The following RUNX2 variants were observed in gnomAD, a reference collection of about 807,000 sequenced individuals.
RUNX2 encodes RUNX family transcription factor 2.
RUNX2 carries 10 observed loss-of-function variants against 51.7 expected under a neutral mutation model. That is an observed-to-expected ratio of 0.19 (90% CI 0.12 to 0.33). The LOEUF (loss-of-function observed/expected upper bound fraction) is 0.33, where lower values mean the gene tolerates loss of function less well. Among genes scored for constraint, RUNX2 ranks in the 10% least tolerant of loss-of-function variants. The probability of loss-of-function intolerance (pLI) is 1.00; values close to 1 mark genes in which losing one functional copy is unlikely to be tolerated. For synonymous variants in RUNX2, 276 were observed against 273.6 expected (o/e 1.01, Z -0.09); for missense variants, 562 against 691.3 (o/e 0.81, Z 2.10).
intron 5 of RUNX2, among the ~76,000 whole-genome samples, chr6:45,476,513 AG>A (rs1563103260): frequency 6.6e-6 from 1 of 152,194 alleles, no homozygotes; most frequent in Non-Finnish European, 1.5e-5. Context: ...GGCCTGTGCA[AG>A]TGACACATAC....
intron 7 of RUNX2, among the ~76,000 whole-genome samples, chr6:45,514,737 A>T (rs533381778): frequency 5.7e-4 from 87 of 152,214 alleles, no homozygotes; most frequent in Non-Finnish European, 1.1e-3. Context: ...GGACCATGTC[A>T]TCGGAGTGTG....
intron 3 of RUNX2, among the ~76,000 whole-genome samples, chr6:45,426,637 T>G (rs1210704440): frequency 6.6e-6 from 1 of 152,246 alleles, no homozygotes; most frequent in Non-Finnish European, 1.5e-5. Flanking sequence ...TAGAGAACAC[T>G]GGACTACATA....
At chr6:45,372,021 T>C (rs1316874141) in intron 2 of RUNX2, 1 of 953,260 alleles carries the variant, frequency 1.0e-6, no homozygotes, top group Non-Finnish European at 1.2e-6. Flanking sequence ...CATCAAAGAA[T>C]ATACAAATAA....
intron 2 of RUNX2, chr6:45,421,554 TC>T (rs1798188406): frequency 1.3e-5 from 2 of 152,126 alleles, no homozygotes; most frequent in Admixed American, 6.5e-5. Context: ...GAATTTTCTT[TC>T]CTCCTCTCCT....
intron 2 of RUNX2, among the ~76,000 whole-genome samples, chr6:45,394,960 G>A (rs994775498): frequency 5.3e-5 from 8 of 152,016 alleles, no homozygotes; most frequent in Non-Finnish European, 7.4e-5. Context: ...GGGTGTGTGT[G>A]GGGGGGAGGC....
At chr6:45,351,552 T>C (rs1792058705) in intron 2 of RUNX2, among the ~76,000 whole-genome samples, 1 of 152,168 alleles carries the variant, frequency 6.6e-6, no homozygotes, top group Non-Finnish European at 1.5e-5. Context: ...GACGATGAGA[T>C]TTCCAAGGTG....
chr6:45,526,605 T>A lies in RUNX2; in HGVS notation c.1021+14198T>A, dbSNP rs185176557. On this transcript the variant is annotated intron_variant, in intron 7 of 8. Coordinates refer to ENST00000647337, the MANE Select transcript of RUNX2 (RefSeq NM_001024630.4). Reference sequence around the variant, plus strand: ...GTTTTATGACTGCATGATAAAAATATTTAACACAAGTTATTGCCAACATTA... The same window carrying A: ...GTTTTATGACTGCATGATAAAAATAATTAACACAAGTTATTGCCAACATTA... Among the ~76,000 whole-genome samples the A allele has an allele frequency of 1.0e-3, 154 of 152,364 alleles. 1 individual carries two copies. The highest frequency in any genetic ancestry group is 2.0e-3 in the Non-Finnish European group (135 of 68,030).
At chr6:45,394,673 T>A (rs1283119834) in intron 2 of RUNX2, among the ~76,000 whole-genome samples, 1 of 152,122 alleles carries the variant, frequency 6.6e-6, no homozygotes, top group Non-Finnish European at 1.5e-5. Flanking sequence ...GCCATCAAGT[T>A]AGATAGGAAG....
At chr6:45,427,492 T>C (rs1188935328) in intron 3 of RUNX2, among the ~76,000 whole-genome samples, 1 of 152,166 alleles carries the variant, frequency 6.6e-6, no homozygotes, top group African/African-American at 2.4e-5. Flanking sequence ...ATATTAACTG[T>C]AGTATTTGTT....
chr6:45,506,546 C>G (rs563997958), intron 6 of RUNX2, among the ~76,000 whole-genome samples: 1 of 152,138 alleles, frequency 6.6e-6, no homozygotes, highest in South Asian at 2.1e-4. Context: ...TTGAATTTCT[C>G]TAATATAGTA....
At chr6:45,442,612 T>C (rs1053198262) in intron 5 of RUNX2, among the ~76,000 whole-genome samples, 3 of 152,242 alleles carry the variant, frequency 2.0e-5, no homozygotes, top group African/African-American at 7.2e-5. Context: ...TAAGCTTACA[T>C]AGGATACTTT....
chr6:45,353,017 T>C (rs1328380601), intron 2 of RUNX2, among the ~76,000 whole-genome samples: 2 of 152,064 alleles, frequency 1.3e-5, no homozygotes, highest in Non-Finnish European at 2.9e-5. Flanking sequence ...GAAAAACAAA[T>C]ATTAAAGAAA....
chr6:45,409,404 T>C (rs1231014070), intron 2 of RUNX2, among the ~76,000 whole-genome samples: 6 of 152,218 alleles, frequency 3.9e-5, no homozygotes, highest in Non-Finnish European at 8.8e-5. Flanking sequence ...GATACCCACA[T>C]GGGCTAAGGT....
chr6:45,511,228 T>A (rs1448106223), intron 6 of RUNX2, among the ~76,000 whole-genome samples: 2 of 152,204 alleles, frequency 1.3e-5, no homozygotes, highest in African/African-American at 4.8e-5. Context: ...AATAAATCTA[T>A]GTGGCCTTGA....
rs1481005717 is a variant in RUNX2, at chr6:45,328,691, G to C, written c.-36G>C. The C allele has an allele frequency of 6.2e-7, 1 of 1,611,746 alleles. No individual in the cohort carries two copies. On this transcript the variant is annotated 5_prime_UTR_variant, in exon 2 of 9. Coordinates refer to ENST00000647337, the MANE Select transcript of RUNX2 (RefSeq NM_001024630.4). ...GGCTGCAAGCAGTATTTACAACAGA[G>C]GGTACAAGTTCTATCTGAAAAAAAA...
At chr6:45,365,232 T>A (rs780628100) in intron 2 of RUNX2, 2 of 1,612,232 alleles carry the variant, frequency 1.2e-6, no homozygotes, top group South Asian at 2.2e-5. Flanking sequence ...GCAAAGCTTA[T>A]AGACTTCCCT....
intron 5 of RUNX2, among the ~76,000 whole-genome samples, chr6:45,473,259 C>G (rs1426714091): frequency 6.6e-6 from 1 of 152,180 alleles, no homozygotes; most frequent in East Asian, 1.9e-4. Flanking sequence ...CAGCTCCACC[C>G]TCCCCCATTC....
Position 45,422,977 on chromosome 6 carries a change from C to G in RUNX2, c.423+20C>G. 1 of 1,605,846 alleles carries G rather than the reference C, an allele frequency of 6.2e-7. No individual in the cohort carries two copies. Among genetic ancestry groups the G allele is most frequent in the Non-Finnish European group, 8.5e-7 (1 of 1,178,366 alleles). On this transcript the variant is annotated intron_variant, in intron 3 of 8. Coordinates refer to ENST00000647337, the MANE Select transcript of RUNX2 (RefSeq NM_001024630.4). ...TTCAAGGTAAGAGGCTACACCGCCC[C>G]CCGCCCCCGGCCGGGAGCGGCGGAA...
chr6:45,428,979 C>G (rs1161846568), intron 3 of RUNX2, among the ~76,000 whole-genome samples: 2 of 151,874 alleles, frequency 1.3e-5, no homozygotes, highest in Non-Finnish European at 2.9e-5. Flanking sequence ...TTTAAGAATG[C>G]TTATAAGTAA....
Sources: gnomAD v4.1 joint callset for allele counts (sites outside exome capture counted in the v4.1 genomes callset) on GRCh38, gnomAD v4.1.1 for gene constraint, MANE v1.5 for transcripts, NCBI Gene and HGNC (gene_info 2026-07-23, HGNC 2026-07-21) for gene names.